Variants in TBC1D17 observed in about 807,000 individuals in gnomAD.
The protein encoded by TBC1D17 is TBC1 domain family member 17.
In TBC1D17, 69 loss-of-function variants were observed where a neutral mutation model predicts 78.8. That is an observed-to-expected ratio of 0.88 (90% CI 0.72 to 1.07). TBC1D17 has a LOEUF of 1.07. Among genes scored for constraint, TBC1D17 ranks in the 50% least tolerant of loss-of-function variants. The probability of loss-of-function intolerance (pLI) is 0.00; values close to 1 mark genes in which losing one functional copy is unlikely to be tolerated. For missense variants in TBC1D17, 957 were observed against 861.0 expected, an observed-to-expected ratio of 1.11 and a Z score of -1.39; for synonymous variants, 456 against 358.3, an observed-to-expected ratio of 1.27 and a Z score of -3.08.
Position 49,888,465 on chromosome 19 carries a change from G to A in TBC1D17, c.1788G>A (p.Pro596=). ...HNVQEILGLA[P]PAEPHSPSPT... is the part of the protein sequence containing the mutation. Reference sequence around the variant, plus strand: ...TGCAGGAGATCCTGGGGCTGGCCCCGCCCGCAGAGCCCCACAGCCCCTCGC... The same window carrying A: ...TGCAGGAGATCCTGGGGCTGGCCCCACCCGCAGAGCCCCACAGCCCCTCGC... The change falls in exon 17 of 17, where the codon CCG becomes CCA. Residue 596 remains proline (P), a synonymous_variant. Coordinates refer to ENST00000221543, the MANE Select transcript of TBC1D17 (RefSeq NM_024682.3). 1 of 1,572,114 alleles carries A rather than the reference G, an allele frequency of 6.4e-7. No individual in the cohort carries two copies. Among genetic ancestry groups the A allele is most frequent in the Non-Finnish European group, 8.6e-7 (1 of 1,162,150 alleles).
At chr19:49,882,717 C>T (rs767891852) in intron 7 of TBC1D17, 47 bp from the exon 8 acceptor site, 25 of 1,479,628 alleles carry the variant, frequency 1.7e-5, no homozygotes, top group Non-Finnish European at 2.2e-5. Flanking sequence ...GGTTGGGTCC[C>T]CCCACCACCC....
At position 49,888,314 on chromosome 19, in the gene TBC1D17, C is replaced by T; in HGVS notation, c.1743C>T (p.Cys581=). Residue 581 remains cysteine (C), a synonymous_variant, in exon 16 of 17, where the codon TGC becomes TGT. Coordinates refer to ENST00000221543, the MANE Select transcript of TBC1D17 (RefSeq NM_024682.3). ...CCCTGCACCGCCAGCTAACCGCCTGCCCCGTGAGTCCCCGTCCGCCCCGCA... is the reference window on the plus strand; with the variant it reads ...CCCTGCACCGCCAGCTAACCGCCTGTCCCGTGAGTCCCCGTCCGCCCCGCA... The part of the protein sequence containing the change: ...AEALHRQLTA[C]PELPHNVQEI... 2 of 1,570,958 alleles carry T rather than the reference C, an allele frequency of 1.3e-6. No individual in the cohort carries two copies. Among genetic ancestry groups the T allele is most frequent in the South Asian group, 1.2e-5 (1 of 85,718 alleles).
rs57256087 is a variant in TBC1D17, at chr19:49,881,420, C to G, written c.472C>G (p.Arg158Gly). 1.9e-6 allele frequency: 3 copies of G among 1,612,424 alleles called. No individual in the cohort carries two copies. The highest frequency in any genetic ancestry group is 2.5e-6 in the Non-Finnish European group (3 of 1,179,972). The change falls in exon 5 of 17, where the codon CGC (arginine) becomes GGC (glycine). Residue 158 changes from arginine to glycine, a missense_variant. Transcript: ENST00000221543. ...GGSLPALHFHRGGTRALLRVL... is the reference protein window; with the variant it reads ...GGSLPALHFHGGGTRALLRVL... ...TTCCCTGCCCGCACTGCACTTCCAC[C>G]GCGGGGGCACCCGCGCCCTGCTCCG...
Position 49,887,726 on chromosome 19 carries a change from G to A in TBC1D17, c.1551G>A (p.Trp517Ter), listed in dbSNP as rs1846090206. Residue 517 changes from tryptophan (W) to a stop codon, truncating the protein, a stop_gained, in exon 15 of 17, where the codon TGG becomes TGA. Coordinates refer to ENST00000221543, the MANE Select transcript of TBC1D17 (RefSeq NM_024682.3). LOFTEE classifies it high-confidence loss of function. The stretch of plus-strand genomic sequence containing the variant: ...CTGTCCCGCACCCTCAGGTGCTGTG[G>A]ACAGGGCTCCCTGGCCCCAATCTGC... ...PDVLRLWEVL[W>*]TGLPGPNLHL... is the part of the protein sequence containing the mutation. 1 of 1,613,870 alleles carries A rather than the reference G, an allele frequency of 6.2e-7. No individual in the cohort carries two copies. Among genetic ancestry groups the A allele is most frequent in the Non-Finnish European group, 8.5e-7 (1 of 1,179,940 alleles).
Position 49,884,718 on chromosome 19 carries a change from G to GCTC in TBC1D17, c.1407_1409dup (p.Leu470dup). 1 of 1,614,086 alleles carries GCTC rather than the reference G, an allele frequency of 6.2e-7. No individual in the cohort carries two copies. The highest frequency in any genetic ancestry group is 8.5e-7 in the Non-Finnish European group (1 of 1,180,028). ...AGCGGCAACTCGGGCGACTGCTGCTGCTCCTGAGGGTGCTGGACCCCCTGC... is the reference window on the plus strand; with the variant it reads ...AGCGGCAACTCGGGCGACTGCTGCTGCTCCTCCTGAGGGTGCTGGACCCCCTGC... On this transcript the variant is annotated inframe_insertion, in exon 13 of 17. Transcript: ENST00000221543.
At chr19:49,882,473 C>G in intron 7 of TBC1D17, 73 bp downstream of exon 7, 1 of 1,543,904 alleles carries the variant, frequency 6.5e-7, no homozygotes, top group Non-Finnish European at 8.7e-7. Flanking sequence ...TTTCCCTGGG[C>G]CTCAGTTTCC....
intron 3 of TBC1D17, chr19:49,878,814 C>T: frequency 2.0e-6 from 1 of 508,752 alleles, no homozygotes; most frequent in Non-Finnish European, 3.5e-6. Context: ...TGACCCCTCT[C>T]TCCCTTTGCT....
intron 10 of TBC1D17, 129 bp from the exon 11 acceptor site, chr19:49,884,124 T>G: frequency 6.1e-6 from 5 of 816,910 alleles, no homozygotes; most frequent in East Asian, 2.5e-5. Context: ...CAGCTCTGCT[T>G]CTCCCCCAGA....
chr19:49,886,389 T>C (rs535589836), intron 13 of TBC1D17, among the ~76,000 whole-genome samples: 1 of 152,276 alleles, frequency 6.6e-6, no homozygotes, highest in Admixed American at 6.5e-5. Context: ...GGGAGGGAGC[T>C]GAGATACTCT....
At chr19:49,888,364 C>T in intron 16 of TBC1D17, 47 bp downstream of exon 16, 1 of 1,540,218 alleles carries the variant, frequency 6.5e-7, no homozygotes, top group Non-Finnish European at 8.7e-7. Flanking sequence ...CCCCGACCGA[C>T]CCCCGCCCCC....
At chr19:49,880,187 C>T (rs570409598) in intron 3 of TBC1D17, 92 bp from the exon 4 acceptor site, 13 of 1,513,418 alleles carry the variant, frequency 8.6e-6, no homozygotes, top group South Asian at 2.5e-5. Flanking sequence ...CTCAGTTTCC[C>T]TCTTTATTCA....
rs1439793098 is a variant in TBC1D17 at position 49,884,461 on chromosome 19, T to C, written c.1246T>C (p.Tyr416His). 1.2e-6 allele frequency: 2 copies of C among 1,614,086 alleles called. No individual in the cohort carries two copies. The highest frequency in any genetic ancestry group is 1.6e-4 in the Middle Eastern group (1 of 6,062). Reference protein sequence around the residue: ...TYCMYHFDLGYVQGMSDLLSP... With the variant: ...TYCMYHFDLGHVQGMSDLLSP... ...AGCCTGACCCCATGTCCCCCCAGGCTACGTCCAGGGCATGAGTGATCTTCT... is the reference window on the plus strand; with the variant it reads ...AGCCTGACCCCATGTCCCCCCAGGCCACGTCCAGGGCATGAGTGATCTTCT... Residue 416 changes from tyrosine to histidine, a missense_variant and splice_region_variant, in exon 12 of 17, where the codon TAC becomes CAC. Transcript: ENST00000221543.
chr19:49,878,363 T>G (rs1600441425), intron 2 of TBC1D17, 122 bp downstream of exon 2: 1 of 1,224,828 alleles, frequency 8.2e-7, no homozygotes, highest in South Asian at 1.3e-5. Context: ...GAAGGCTGGG[T>G]GTGGGAACTG....
rs755013715 is a variant in TBC1D17, at chr19:49,882,964, C to T, written c.928-9C>T. On this transcript the variant is annotated splice_polypyrimidine_tract_variant and intron_variant, in intron 8 of 16. Transcript: ENST00000221543. ...CCCCACTGAGCTGCCTGCCCTCCTG[C>T]ACCCCCAGGGTCTGAGCCCCAGCCT... 36 of 1,603,880 alleles carry T rather than the reference C, an allele frequency of 2.2e-5. No homozygotes were observed. The Admixed American group carries it at 6.1e-4, about 27-fold the overall frequency.
intron 5 of TBC1D17, among the ~76,000 whole-genome samples, chr19:49,881,678 C>A (rs190374082): frequency 2.6e-5 from 4 of 152,208 alleles, no homozygotes; most frequent in African/African-American, 9.7e-5. Context: ...AAACAGTTAT[C>A]CTTTTTCCCT....
chr19:49,880,689 G>A (rs2075005356), intron 4 of TBC1D17, among the ~76,000 whole-genome samples: 1 of 152,202 alleles, frequency 6.6e-6, no homozygotes, highest in African/African-American at 2.4e-5. Flanking sequence ...AGGCTGGTGG[G>A]GTGACAGATG....
Position 49,877,729 on chromosome 19 carries a change from A to G in TBC1D17, c.6A>G (p.Glu2=). The G allele has an allele frequency of 6.3e-7, 1 of 1,599,830 alleles. No homozygotes were observed. Among genetic ancestry groups the G allele is most frequent in the Non-Finnish European group, 8.5e-7 (1 of 1,174,234 alleles). The change falls in exon 1 of 17, where the codon GAA becomes GAG. Residue 2 remains glutamate (E), a synonymous_variant. Transcript: ENST00000221543. Reference sequence around the variant, plus strand: ...TGGGGCCTTCGGCGGCGACTATGGAAGGAGCCGGCTACAGGGTAAGCACTG... The same window carrying G: ...TGGGGCCTTCGGCGGCGACTATGGAGGGAGCCGGCTACAGGGTAAGCACTG... M[E]GAGYRVVFEK...
At chr19:49,878,272 G>T (rs745661160) in intron 2 of TBC1D17, 31 bp downstream of exon 2, 35 of 1,544,108 alleles carry the variant, frequency 2.3e-5, no homozygotes, top group Non-Finnish European at 3.5e-6. Flanking sequence ...GCTCGGACCC[G>T]CTCCGAGCGG....
intron 5 of TBC1D17, 137 bp downstream of exon 5, chr19:49,881,612 T>C: frequency 1.2e-6 from 1 of 852,172 alleles, no homozygotes; most frequent in Non-Finnish European, 1.8e-6. Flanking sequence ...CACATATAAC[T>C]AAAAAGTCAA....
Sources: allele counts gnomAD v4.1 joint callset (sites outside exome capture counted in the v4.1 genomes callset), GRCh38; gene constraint gnomAD v4.1.1; transcripts MANE v1.5; gene names NCBI Gene and HGNC (gene_info 2026-07-23, HGNC 2026-07-21).